Variants in NRXN1 observed in about 807,000 individuals in gnomAD.
The protein encoded by NRXN1 is neurexin 1, also known as neurexin-1.
A neutral mutation model predicts 150.9 loss-of-function variants in NRXN1; 39 were observed. The observed-to-expected ratio is 0.26, with a 90% CI of 0.20 to 0.34. NRXN1 has a LOEUF of 0.34. Ranked by LOEUF, NRXN1 falls within the 10% of genes least tolerant of loss-of-function variation. The pLI, the probability that NRXN1 is intolerant of heterozygous loss-of-function variation, is 1.00. For synonymous variants in NRXN1, 924 were observed against 757.0 expected, an observed-to-expected ratio of 1.22 and a Z score of -3.62; for missense variants, 1,815 against 1,949.9, an observed-to-expected ratio of 0.93 and a Z score of 1.30.
intron 21 of NRXN1, among the ~76,000 whole-genome samples, chr2:50,049,793 C>T (rs968991494): frequency 6.6e-6 from 1 of 151,974 alleles, no homozygotes; most frequent in African/African-American, 2.4e-5. Context: ...CATTTAGCAG[C>T]CAAAAAACTT....
chr2:50,749,086 C>A (rs749545000), intron 5 of NRXN1, among the ~76,000 whole-genome samples: 1 of 152,078 alleles, frequency 6.6e-6, no homozygotes, highest in Admixed American at 6.6e-5. Flanking sequence ...TTCTTTTACA[C>A]ATTTTCTCAA....
At chr2:50,343,578 TA>T (rs911965309) in intron 17 of NRXN1, among the ~76,000 whole-genome samples, 15 of 152,126 alleles carry the variant, frequency 9.9e-5, no homozygotes, top group Admixed American at 3.9e-4. Context: ...CACAGGCCCT[TA>T]AAAAAAATCC....
Position 50,947,021 on chromosome 2 carries a change from G to C in NRXN1, c.773-21066C>G, listed in dbSNP as rs376358801. Among the ~76,000 whole-genome samples, 7 of 152,208 alleles carry C rather than the reference G, an allele frequency of 4.6e-5. No homozygotes were observed. In the South Asian group the frequency reaches 8.3e-4, roughly 18 times the overall value. On this transcript the variant is annotated intron_variant, in intron 2 of 22. Coordinates refer to ENST00000401669, the MANE Select transcript of NRXN1 (RefSeq NM_001330078.2). ...TTTCACAAACTATTTAATCAAGAAA[G>C]GCAATCCTATTCTTACTGGGCAGGG...
In NRXN1 at chr2:50,647,631, T is replaced by C. The variant is rs539483312; in HGVS notation, c.833-24016A>G. Among the ~76,000 whole-genome samples, 9 of 152,100 alleles carry C rather than the reference T, an allele frequency of 5.9e-5. No homozygotes were observed. The East Asian group carries it at 1.7e-3, about 30-fold the overall frequency. On this transcript the variant is annotated intron_variant, in intron 5 of 22. Coordinates refer to ENST00000401669, the MANE Select transcript of NRXN1 (RefSeq NM_001330078.2). Reference sequence around the variant, plus strand: ...CCAAAGAAAAGCTTTACTCTTGTCCTCATAATTCCACTTCCAAGTAATACA... The same window carrying C: ...CCAAAGAAAAGCTTTACTCTTGTCCCCATAATTCCACTTCCAAGTAATACA...
intron 18 of NRXN1, among the ~76,000 whole-genome samples, chr2:50,132,760 T>G (rs1029735586): frequency 3.3e-5 from 5 of 152,062 alleles, no homozygotes; most frequent in Admixed American, 2.6e-4. Flanking sequence ...AAGGAAAATT[T>G]GAGGAAACGT....
rs147620030 is a variant in NRXN1, at chr2:50,026,684, A to G, written c.4128+26587T>C. 1.8e-3 allele frequency among the ~76,000 whole-genome samples: 276 copies of G among 151,982 alleles called. 2 individuals carry two copies. Among genetic ancestry groups the G allele is most frequent in the African/African-American group, 6.4e-3 (267 of 41,454 alleles). On this transcript the variant is annotated intron_variant, in intron 21 of 22. Transcript: ENST00000401669. ...AAAATTCTATGCCTGAAGTTTTAAT[A>G]TTTTTATCCCAGGGAAGTGGATTTT...
chr2:50,123,710 T>C lies in NRXN1; in HGVS notation c.3547-32216A>G, dbSNP rs945378938. The stretch of plus-strand genomic sequence containing the variant: ...TTAATTATAATCAAGCACATTATGG[T>C]AGAGGCAATGAGATTTACTGATAGA... On this transcript the variant is annotated intron_variant, in intron 18 of 22. Transcript: ENST00000401669. Among the ~76,000 whole-genome samples, 13 of 152,134 alleles carry C rather than the reference T, an allele frequency of 8.5e-5. 1 individual carries two copies. Among genetic ancestry groups the C allele is most frequent in the East Asian group, 7.7e-4 (4 of 5,186 alleles).
chr2:50,193,753 G>C (rs1422288804), intron 18 of NRXN1, among the ~76,000 whole-genome samples: 1 of 151,808 alleles, frequency 6.6e-6, no homozygotes, highest in Non-Finnish European at 1.5e-5. Context: ...GTCAATTATT[G>C]GCATAATTAT....
intron 5 of NRXN1, among the ~76,000 whole-genome samples, chr2:50,642,895 T>G (rs1684273383): frequency 6.6e-6 from 1 of 151,954 alleles, no homozygotes; most frequent in Non-Finnish European, 1.5e-5. Flanking sequence ...AGGGTTTGTT[T>G]TACACTACCT....
intron 8 of NRXN1, chr2:50,554,297 C>T (rs571067067): frequency 3.3e-4 from 50 of 152,180 alleles, no homozygotes; most frequent in African/African-American, 1.1e-3. Context: ...ACCAAGACAA[C>T]GCAGCAGTTA....
chr2:50,828,180 G>A (rs1179539511), intron 5 of NRXN1, among the ~76,000 whole-genome samples: 26 of 151,076 alleles, frequency 1.7e-4, no homozygotes, highest in African/African-American at 4.6e-4. Context: ...CAGTAGGGGC[G>A]GCCGGGCAGA....
At chr2:50,826,904 G>A (rs1166459421) in intron 5 of NRXN1, among the ~76,000 whole-genome samples, 3 of 152,166 alleles carry the variant, frequency 2.0e-5, no homozygotes, top group African/African-American at 7.2e-5. Context: ...AAACGCCACA[G>A]TACTGAATCA....
intron 17 of NRXN1, among the ~76,000 whole-genome samples, chr2:50,254,567 C>A (rs1248720888): frequency 6.7e-6 from 1 of 150,356 alleles, no homozygotes; most frequent in Admixed American, 6.6e-5. Context: ...TCTAAATTTC[C>A]CTCTTAACAA....
At position 50,041,664 on chromosome 2, in the gene NRXN1, G is replaced by A. The variant is rs1327642077; in HGVS notation, c.4128+11607C>T. Among the ~76,000 whole-genome samples the A allele has an allele frequency of 2.0e-5, 3 of 152,310 alleles. No homozygotes were observed. In the East Asian group the frequency reaches 5.8e-4, roughly 29 times the overall value. ...CAAGGAAAAGGTAAACTCCTATGAA[G>A]ACAATAAGAGATGATTTCCTGTAGA... On this transcript the variant is annotated intron_variant, in intron 21 of 22. Transcript: ENST00000401669.
At chr2:50,569,602 T>C (rs981656187) in intron 8 of NRXN1, among the ~76,000 whole-genome samples, 5 of 151,890 alleles carry the variant, frequency 3.3e-5, no homozygotes, top group Non-Finnish European at 7.4e-5. Context: ...ACCTTGAGAG[T>C]CACTCATACT....
At chr2:50,178,487 G>C (rs1351980434) in intron 18 of NRXN1, among the ~76,000 whole-genome samples, 5 of 151,768 alleles carry the variant, frequency 3.3e-5, no homozygotes, top group Non-Finnish European at 7.4e-5. Context: ...GAGACATACT[G>C]CCCACAAAAC....
intron 18 of NRXN1, among the ~76,000 whole-genome samples, chr2:50,142,664 T>C (rs1390791005): frequency 6.6e-6 from 1 of 152,100 alleles, no homozygotes; most frequent in East Asian, 1.9e-4. Flanking sequence ...ATAACTTTAG[T>C]AAGAAATACT....
At chr2:49,993,935 T>G (rs1682480154) in intron 21 of NRXN1, among the ~76,000 whole-genome samples, 1 of 152,174 alleles carries the variant, frequency 6.6e-6, no homozygotes, top group South Asian at 2.1e-4. Context: ...TTTTCTGCCT[T>G]CTGTCAACCT....
At chr2:50,228,601 C>A (rs1463636581) in intron 18 of NRXN1, among the ~76,000 whole-genome samples, 1 of 151,922 alleles carries the variant, frequency 6.6e-6, no homozygotes, top group African/African-American at 2.4e-5. Flanking sequence ...GAGTGAGCAG[C>A]CGGCACTTAT....
Sources: gnomAD v4.1 joint callset for allele counts (sites outside exome capture counted in the v4.1 genomes callset) on GRCh38, gnomAD v4.1.1 for gene constraint, MANE v1.5 for transcripts, NCBI Gene and HGNC (gene_info 2026-07-23, HGNC 2026-07-21) for gene names.